CFAP206: variants seen among roughly 807,000 people sequenced by gnomAD.
The protein encoded by CFAP206 is cilia- and flagella-associated protein 206.
CFAP206 carries 53 observed loss-of-function variants against 65.4 expected under a neutral mutation model. The ratio of observed to expected loss-of-function variants is 0.81; its 90% CI spans 0.65 to 1.02. The LOEUF is 1.02. Among genes scored for constraint, CFAP206 ranks in the 50% least tolerant of loss-of-function variants. The probability of loss-of-function intolerance (pLI) is 0.00; values close to 1 mark genes in which losing one functional copy is unlikely to be tolerated. For synonymous variants in CFAP206, 250 were observed against 254.4 expected, an observed-to-expected ratio of 0.98 and a Z score of 0.17; for missense variants, 663 against 753.2, an observed-to-expected ratio of 0.88 and a Z score of 1.40.
chr6:87,444,468 G>T, intron 11 of CFAP206: 1 of 222,692 alleles, frequency 4.5e-6, no homozygotes, highest in South Asian at 7.8e-5. Flanking sequence ...CTGGTATTTT[G>T]ACATACTTGC....
intron 9 of CFAP206, among the ~76,000 whole-genome samples, chr6:87,430,101 G>A (rs898274637): frequency 2.6e-5 from 4 of 152,130 alleles, no homozygotes; most frequent in Admixed American, 2.0e-4. Flanking sequence ...CCACTCCATT[G>A]AATTGGTCAA....
At chr6:87,442,935 ATTTCC>A (rs1768380989) in intron 11 of CFAP206, among the ~76,000 whole-genome samples, 1 of 152,102 alleles carries the variant, frequency 6.6e-6, no homozygotes, top group African/African-American at 2.4e-5. Context: ...TAACCTATGC[ATTTCC>A]TTTCTTTTGC....
intron 11 of CFAP206, among the ~76,000 whole-genome samples, chr6:87,455,590 T>C (rs896190598): frequency 2.0e-5 from 3 of 151,860 alleles, no homozygotes; most frequent in Admixed American, 2.0e-4. Context: ...ATAAACAAAA[T>C]AGACAAATTG....
intron 11 of CFAP206, among the ~76,000 whole-genome samples, chr6:87,442,923 A>G (rs184639978): frequency 6.6e-6 from 1 of 152,226 alleles, no homozygotes; most frequent in Non-Finnish European, 1.5e-5. Context: ...CCTCAGTGCA[A>G]TTAACCTATG....
intron 12 of CFAP206, 89 bp from the exon 13 acceptor site, chr6:87,463,931 A>C: frequency 1.0e-6 from 1 of 977,158 alleles, no homozygotes; most frequent in Non-Finnish European, 1.5e-6. Context: ...TGAAGACAAA[A>C]ATAGGCAGAT....
chr6:87,411,167 C>T (rs1282857277), intron 3 of CFAP206, among the ~76,000 whole-genome samples: 3 of 152,194 alleles, frequency 2.0e-5, no homozygotes, highest in Non-Finnish European at 4.4e-5. Context: ...GTAGCAGCAT[C>T]TGCTACAGTA....
At chr6:87,451,441 T>C (rs922362062) in intron 11 of CFAP206, among the ~76,000 whole-genome samples, 1 of 152,120 alleles carries the variant, frequency 6.6e-6, no homozygotes, top group Non-Finnish European at 1.5e-5. Context: ...CCCATTGCCC[T>C]GAAGGCAAGG....
Position 87,416,857 on chromosome 6 carries a change from G to T in CFAP206, c.631+30G>T, listed in dbSNP as rs759420229. On this transcript the variant is annotated intron_variant, in intron 6 of 12. Transcript: ENST00000369562. ...GTATATCATTAGATTAATTCTAAAGGTTATGTATGTTTAAAATTTAACTTG... is the reference window on the plus strand; with the variant it reads ...GTATATCATTAGATTAATTCTAAAGTTTATGTATGTTTAAAATTTAACTTG... 6 of 1,562,494 alleles carry T rather than the reference G, an allele frequency of 3.8e-6. No homozygotes were observed. In the African/African-American group the frequency reaches 8.2e-5, roughly 21 times the overall value.
At chr6:87,451,501 C>T (rs111567297) in intron 11 of CFAP206, among the ~76,000 whole-genome samples, 1,671 of 152,132 alleles carry the variant, frequency 0.011, 37 homozygotes, top group African/African-American at 0.039. Context: ...GCCCTTGGGT[C>T]TTGAATAATT....
chr6:87,441,528 C>G, intron 11 of CFAP206: 1 of 159,254 alleles, frequency 6.3e-6, no homozygotes, highest in Non-Finnish European at 1.4e-5. Context: ...AGTATTAGGT[C>G]ACTATTTCCA....
chr6:87,422,676 G>A (rs1213533981), intron 7 of CFAP206, among the ~76,000 whole-genome samples: 1 of 151,388 alleles, frequency 6.6e-6, no homozygotes, highest in African/African-American at 2.4e-5. Context: ...GCTTGAACGC[G>A]GAGGGTGGAG....
chr6:87,408,523 AT>A (rs1767669376), intron 1 of CFAP206: 1 of 70,656 alleles, frequency 1.4e-5, no homozygotes, highest in Non-Finnish European at 3.0e-5. Context: ...GCGCACACAG[AT>A]CCGGAGCGCG....
intron 10 of CFAP206, among the ~76,000 whole-genome samples, chr6:87,434,111 G>A (rs1163707096): frequency 2.0e-5 from 3 of 151,292 alleles, no homozygotes; most frequent in Non-Finnish European, 4.4e-5. Context: ...AAAAAAAAAG[G>A]AGTGGAAGGG....
At chr6:87,417,857 G>A (rs1220510574) in intron 6 of CFAP206, among the ~76,000 whole-genome samples, 1 of 150,066 alleles carries the variant, frequency 6.7e-6, no homozygotes, top group Non-Finnish European at 1.5e-5. Context: ...CCGGGTTCAA[G>A]TGATTCTCCT....
intron 11 of CFAP206, among the ~76,000 whole-genome samples, chr6:87,439,803 C>T (rs921383182): frequency 6.6e-5 from 10 of 151,922 alleles, no homozygotes; most frequent in African/African-American, 2.4e-4. Context: ...CTCTCCTTTC[C>T]TCACTGATCT....
chr6:87,432,378 A>T (rs1311908903), intron 10 of CFAP206, among the ~76,000 whole-genome samples: 1 of 152,168 alleles, frequency 6.6e-6, no homozygotes, highest in Non-Finnish European at 1.5e-5. Flanking sequence ...GGGAGAAAAC[A>T]ATCAAGAGCC....
chr6:87,462,825 A>G (rs1306265281), intron 12 of CFAP206, among the ~76,000 whole-genome samples: 1 of 152,172 alleles, frequency 6.6e-6, no homozygotes, highest in Non-Finnish European at 1.5e-5. Flanking sequence ...ATTATTCCCT[A>G]GAACTGTATT....
intron 8 of CFAP206, among the ~76,000 whole-genome samples, chr6:87,427,189 G>C (rs1182285231): frequency 1.3e-5 from 2 of 152,168 alleles, no homozygotes; most frequent in Non-Finnish European, 2.9e-5. Context: ...CCAGGCTGGA[G>C]TGCAGTGGTG....
rs1193971123 is a variant in CFAP206, at chr6:87,423,066, G to A, written c.841-3460G>A. On this transcript the variant is annotated intron_variant, in intron 7 of 12. Coordinates refer to ENST00000369562, the MANE Select transcript of CFAP206 (RefSeq NM_001031743.3). ...TTGGTAGCTGGGACTACAGACACGC[G>A]CCACCACGCCTGGCTAATTTTTTTG... Among the ~76,000 whole-genome samples, 6 of 151,652 alleles carry A rather than the reference G, an allele frequency of 4.0e-5. No homozygotes were observed. In the East Asian group the frequency reaches 5.8e-4, roughly 15 times the overall value.
Sources: gnomAD v4.1 joint callset for allele counts (sites outside exome capture counted in the v4.1 genomes callset) on GRCh38, gnomAD v4.1.1 for gene constraint, MANE v1.5 for transcripts, NCBI Gene and HGNC (gene_info 2026-07-23, HGNC 2026-07-21) for gene names.